ABCA1: variants seen among roughly 807,000 people sequenced by gnomAD.
The protein encoded by ABCA1 is ATP binding cassette subfamily A member 1, also known as phospholipid-transporting ATPase ABCA1.
Under a neutral mutation model 262.5 loss-of-function variants are expected in ABCA1, and 133 were observed. The observed-to-expected ratio is 0.51, with a 90% CI of 0.44 to 0.59. ABCA1 has a LOEUF of 0.59. ABCA1 is among the 20% of genes least tolerant of loss of function. The pLI is 0.00. For missense variants in ABCA1, 2,452 were observed against 2,777.5 expected, an observed-to-expected ratio of 0.88 and a Z score of 2.63; for synonymous variants, 1,022 against 1,043.5, an observed-to-expected ratio of 0.98 and a Z score of 0.40.
rs575643909 is a variant in ABCA1 at position 104,813,547 on chromosome 9, G to T, written c.3901+571C>A. Among the ~76,000 whole-genome samples the T allele has an allele frequency of 4.6e-5, 7 of 152,270 alleles. No homozygotes were observed. The South Asian group carries it at 1.5e-3, about 32-fold the overall frequency. On this transcript the variant is annotated intron_variant, in intron 27 of 49. Transcript: ENST00000374736. Reference sequence around the variant, plus strand: ...TCCTGCCTCAGCCTCCCAAGTAGCTGGGATGACAGGCATGTGCCACCACAC... The same window carrying T: ...TCCTGCCTCAGCCTCCCAAGTAGCTTGGATGACAGGCATGTGCCACCACAC...
At chr9:104,789,753 G>A (rs2118849849) in intron 44 of ABCA1, among the ~76,000 whole-genome samples, 1 of 148,914 alleles carries the variant, frequency 6.7e-6, no homozygotes, top group African/African-American at 2.6e-5. Flanking sequence ...AACGGTCATG[G>A]TCAAAAAACT....
chr9:104,818,995 G>C, intron 22 of ABCA1, 112 bp from the exon 23 acceptor site: 1 of 1,028,490 alleles, frequency 9.7e-7, no homozygotes, highest in Non-Finnish European at 1.5e-6. Context: ...GAAGAGACCT[G>C]GAAGCCACCT....
rs773822302 is a variant in ABCA1 at position 104,800,000 on chromosome 9, C to T, written c.4774-12G>A. 3 of 1,614,036 alleles carry T rather than the reference C, an allele frequency of 1.9e-6. No individual in the cohort carries two copies. Among genetic ancestry groups the T allele is most frequent in the Admixed American group, 1.7e-5 (1 of 60,024 alleles). On this transcript the variant is annotated splice_polypyrimidine_tract_variant and intron_variant, in intron 35 of 49. Coordinates refer to ENST00000374736, the MANE Select transcript of ABCA1 (RefSeq NM_005502.4). ...TTATTGAACCACACCTGAAAGAAAA[C>T]ATACCAGGTACAAGGTAATGCCCCC... is the stretch of plus-strand genomic sequence containing the variant.
chr9:104,915,606 T>C (rs1217279319), intron 1 of ABCA1, among the ~76,000 whole-genome samples: 1 of 152,212 alleles, frequency 6.6e-6, no homozygotes, highest in South Asian at 2.1e-4. Flanking sequence ...TCCAATATTA[T>C]CAAGATTCTG....
chr9:104,848,040 GCA>G (rs369734908), intron 7 of ABCA1, among the ~76,000 whole-genome samples: 4 of 151,678 alleles, frequency 2.6e-5, no homozygotes, highest in Non-Finnish European at 5.9e-5. Flanking sequence ...ACTTATATGT[GCA>G]CACACACACA....
At chr9:104,822,706 G>A (rs1832470271) in intron 18 of ABCA1, 39 bp from the exon 19 acceptor site, 3 of 1,610,328 alleles carry the variant, frequency 1.9e-6, no homozygotes, top group Admixed American at 1.7e-5. Flanking sequence ...CCCACAGAAA[G>A]CACTGAGGAG....
intron 3 of ABCA1, among the ~76,000 whole-genome samples, chr9:104,885,711 C>T (rs117976590): frequency 0.013 from 1,953 of 152,288 alleles, 18 homozygotes; most frequent in Admixed American, 0.016. Flanking sequence ...TACATGGATG[C>T]TGCTTATGAG....
intron 5 of ABCA1, among the ~76,000 whole-genome samples, chr9:104,869,415 C>T (rs200106350): frequency 2.6e-5 from 4 of 152,162 alleles, no homozygotes; most frequent in African/African-American, 7.2e-5. Context: ...TCAGCCTGAG[C>T]TTGTCCAGCC....
intron 42 of ABCA1, among the ~76,000 whole-genome samples, chr9:104,792,555 T>C (rs762121113): frequency 4.6e-5 from 7 of 152,208 alleles, no homozygotes; most frequent in African/African-American, 7.2e-5. Flanking sequence ...AATGTAAGCA[T>C]ATAAAACCAA....
In ABCA1 at chr9:104,883,118, T is replaced by C. The variant is rs1838833676; in HGVS notation, c.342A>G (p.Leu114=). Residue 114 remains leucine (L), a synonymous_variant, in exon 5 of 50, where the codon TTA becomes TTG. Transcript: ENST00000374736. The part of the protein sequence containing the change: ...RLFSDARRLL[L]YSQKDTSMKD... ...TCATGCTGGTGTCTTTCTGGCTGTATAAAAGAAGCCTCCGAGCATCTGAGA... is the reference window on the plus strand; with the variant it reads ...TCATGCTGGTGTCTTTCTGGCTGTACAAAAGAAGCCTCCGAGCATCTGAGA... The C allele has an allele frequency of 1.9e-6, 3 of 1,613,610 alleles. No homozygotes were observed. The highest frequency in any genetic ancestry group is 1.1e-5 in the South Asian group (1 of 91,072).
At chr9:104,842,315 G>A (rs958478328) in intron 8 of ABCA1, among the ~76,000 whole-genome samples, 2 of 152,068 alleles carry the variant, frequency 1.3e-5, no homozygotes, top group African/African-American at 4.8e-5. Flanking sequence ...AGAGAACCAG[G>A]CCATTTTGCC....
chr9:104,864,820 G>A (rs1394382639), intron 5 of ABCA1, among the ~76,000 whole-genome samples: 1 of 152,074 alleles, frequency 6.6e-6, no homozygotes, highest in East Asian at 1.9e-4. Flanking sequence ...CCAGACCAGT[G>A]AGTGTGCTCA....
chr9:104,794,883 A>T (rs889373147), intron 39 of ABCA1, among the ~76,000 whole-genome samples: 1 of 152,230 alleles, frequency 6.6e-6, no homozygotes, highest in African/African-American at 2.4e-5. Flanking sequence ...TTTTGTCAGA[A>T]TTTTAGAAAT....
chr9:104,869,541 T>C (rs1185589322), intron 5 of ABCA1, among the ~76,000 whole-genome samples: 1 of 152,206 alleles, frequency 6.6e-6, no homozygotes, highest in Non-Finnish European at 1.5e-5. Context: ...TGCTGTCTTC[T>C]TGAAGAATAG....
chr9:104,879,851 A>G (rs1838475772), intron 5 of ABCA1, among the ~76,000 whole-genome samples: 1 of 152,208 alleles, frequency 6.6e-6, no homozygotes, highest in Non-Finnish European at 1.5e-5. Flanking sequence ...CAAGAAGCAC[A>G]CAGACATACT....
chr9:104,860,526 G>A (rs2119101111), intron 6 of ABCA1, among the ~76,000 whole-genome samples: 1 of 152,194 alleles, frequency 6.6e-6, no homozygotes, highest in African/African-American at 2.4e-5. Flanking sequence ...TCTGCTTCTT[G>A]TAAAGACAAG....
rs558958785 is a variant in ABCA1 at position 104,812,179 on chromosome 9, C to CT, written c.4050+394dup. 9.3e-4 allele frequency among the ~76,000 whole-genome samples: 141 copies of CT among 152,310 alleles called. 2 individuals carry two copies. The South Asian group carries it at 0.027, about 29-fold the overall frequency. On this transcript the variant is annotated intron_variant, in intron 28 of 49. Coordinates refer to ENST00000374736, the MANE Select transcript of ABCA1 (RefSeq NM_005502.4). ...TCAAGTGCATCTGGGCATAACAACT[C>CT]TCATGTTATGACAGCTGAATACACC...
At chr9:104,925,150 G>A (rs992820328) in intron 1 of ABCA1, among the ~76,000 whole-genome samples, 6 of 152,130 alleles carry the variant, frequency 3.9e-5, no homozygotes, top group South Asian at 2.1e-4. Context: ...AGGCCGAGGC[G>A]GGTGGATCAA....
rs1301258330 is a variant in ABCA1, at chr9:104,824,589, A to G, written c.2543-11T>C. ...GAATTCCGTACTGGCCTGAAAGCAA[A>G]GCACAGGTATGAGCCAAGCTCAGCA... On this transcript the variant is annotated splice_polypyrimidine_tract_variant and intron_variant, in intron 17 of 49. Transcript: ENST00000374736. 1 of 1,613,246 alleles carries G rather than the reference A, an allele frequency of 6.2e-7. No homozygotes were observed. Among genetic ancestry groups the G allele is most frequent in the Non-Finnish European group, 8.5e-7 (1 of 1,179,974 alleles).
Sources: allele counts gnomAD v4.1 joint callset (sites outside exome capture counted in the v4.1 genomes callset), GRCh38; gene constraint gnomAD v4.1.1; transcripts MANE v1.5; gene names NCBI Gene and HGNC (gene_info 2026-07-23, HGNC 2026-07-21).